Variants in RAD51B observed in about 807,000 individuals in gnomAD.
RAD51B encodes RAD51 paralog B.
In RAD51B, 38 loss-of-function variants were observed where a neutral mutation model predicts 42.2. The ratio of observed to expected loss-of-function variants is 0.90; its 90% CI spans 0.70 to 1.18. The LOEUF (loss-of-function observed/expected upper bound fraction) is 1.18, where lower values mean the gene tolerates loss of function less well. Ranked by LOEUF, RAD51B falls within the 50% of genes most tolerant of loss-of-function variation. The pLI is 0.00. For missense variants in RAD51B, 373 were observed against 400.7 expected (o/e 0.93, Z 0.59); for synonymous variants, 154 against 145.2 (o/e 1.06, Z -0.43).
Position 68,369,593 on chromosome 14 carries a change from T to C in RAD51B, c.854-41831T>C, listed in dbSNP as rs530623659. 2.6e-5 allele frequency among the ~76,000 whole-genome samples: 4 copies of C among 152,348 alleles called. No individual in the cohort carries two copies. The South Asian group carries it at 6.2e-4, about 24-fold the overall frequency. ...TTTGGGGCAACTCAGTCAGTGACATTTCTCTTTCACAAACTCCTCCTGTTC... is the reference window on the plus strand; with the variant it reads ...TTTGGGGCAACTCAGTCAGTGACATCTCTCTTTCACAAACTCCTCCTGTTC... On this transcript the variant is annotated intron_variant, in intron 8 of 10. Coordinates refer to ENST00000471583, the MANE Select transcript of RAD51B (RefSeq NM_133510.4).
chr14:68,667,310 A>G (rs1331963506), intron 11 of RAD51B, among the ~76,000 whole-genome samples: 1 of 152,232 alleles, frequency 6.6e-6, no homozygotes, highest in Non-Finnish European at 1.5e-5. Flanking sequence ...TGCAGTCTGG[A>G]GGCAGAATTC....
At chr14:68,141,964 T>C (rs1057092768) in intron 7 of RAD51B, among the ~76,000 whole-genome samples, 2 of 148,002 alleles carry the variant, frequency 1.4e-5, no homozygotes, top group Middle Eastern at 3.4e-3. Flanking sequence ...GGTCATTCCA[T>C]TCATATGTTG....
intron 10 of RAD51B, among the ~76,000 whole-genome samples, chr14:68,590,098 A>T (rs546760430): frequency 6.6e-6 from 1 of 152,260 alleles, no homozygotes; most frequent in South Asian, 2.1e-4. Context: ...CACACAGGTC[A>T]CCCTGAGCAG....
chr14:68,242,876 T>G (rs890390780), intron 7 of RAD51B, among the ~76,000 whole-genome samples: 1 of 152,184 alleles, frequency 6.6e-6, no homozygotes, highest in Admixed American at 6.5e-5. Flanking sequence ...TTATGGGATA[T>G]GATCTACTCC....
At chr14:68,596,297 A>AGG (rs1163537305), downstream of RAD51B, among the ~76,000 whole-genome samples, 1 of 152,080 alleles carries the variant, frequency 6.6e-6, no homozygotes, top group Non-Finnish European at 1.5e-5. Context: ...AGCATCTCCA[A>AGG]GGGGGTCCTA....
rs187955360 is a variant in RAD51B, at chr14:67,887,183, G to A, written c.735G>A (p.Leu245=). The A allele has an allele frequency of 1.2e-6, 2 of 1,608,564 alleles. No individual in the cohort carries two copies. The highest frequency in any genetic ancestry group is 4.5e-5 in the East Asian group (2 of 44,734). The change falls in exon 7 of 11, where the codon TTG becomes TTA. Residue 245 remains leucine, a synonymous_variant. Transcript: ENST00000471583. The part of the protein sequence containing the change: ...LAREASSLKY[L]AEEFSIPVIL... ...GAGAGGCATCCTCCTTGAAGTATTT[G>A]GCTGAGGAGTTTTCAATCCCAGTAA... is the stretch of plus-strand genomic sequence containing the variant.
At chr14:68,363,063 C>G (rs946237802) in intron 8 of RAD51B, among the ~76,000 whole-genome samples, 1 of 152,132 alleles carries the variant, frequency 6.6e-6, no homozygotes, top group Non-Finnish European at 1.5e-5. Context: ...GCACTGAACC[C>G]AGCTACTTTC....
chr14:68,495,671 G>A (rs1002459305), intron 10 of RAD51B, among the ~76,000 whole-genome samples: 2 of 152,160 alleles, frequency 1.3e-5, no homozygotes, highest in Non-Finnish European at 2.9e-5. Flanking sequence ...CCCCTAGATG[G>A]GAAACATTCA....
chr14:68,401,289 A>G (rs2140050615), intron 8 of RAD51B, among the ~76,000 whole-genome samples: 1 of 152,304 alleles, frequency 6.6e-6, no homozygotes, highest in East Asian at 1.9e-4. Context: ...TTTCATTTTC[A>G]AAAATGTCCT....
intron 10 of RAD51B, among the ~76,000 whole-genome samples, chr14:68,513,009 G>A (rs1233228021): frequency 3.9e-5 from 6 of 152,262 alleles, no homozygotes; most frequent in African/African-American, 1.4e-4. Flanking sequence ...TTGGGGAACA[G>A]TAAGGAAGCC....
chr14:68,003,760 C>T (rs1050940133), intron 7 of RAD51B, among the ~76,000 whole-genome samples: 1 of 152,178 alleles, frequency 6.6e-6, no homozygotes, highest in Non-Finnish European at 1.5e-5. Context: ...GCCTTTTCTG[C>T]ATCTGTTGAG....
chr14:68,283,799 T>G (rs988263409), intron 7 of RAD51B, among the ~76,000 whole-genome samples: 11 of 152,204 alleles, frequency 7.2e-5, no homozygotes, highest in African/African-American at 2.7e-4. Context: ...CGGCCCACAG[T>G]TTCCACTGCA....
chr14:67,840,715 T>C (rs2140308039), intron 4 of RAD51B, among the ~76,000 whole-genome samples: 1 of 152,324 alleles, frequency 6.6e-6, no homozygotes, highest in Non-Finnish European at 1.5e-5. Flanking sequence ...CAAACTCCTT[T>C]GCACAGTGAT....
intron 8 of RAD51B, among the ~76,000 whole-genome samples, chr14:68,410,922 T>C (rs1337770342): frequency 6.7e-6 from 1 of 149,276 alleles, no homozygotes; most frequent in Non-Finnish European, 1.5e-5. Flanking sequence ...TCTAGATTCC[T>C]TTTTTTGCGT....
intron 7 of RAD51B, among the ~76,000 whole-genome samples, chr14:68,061,658 C>T (rs1039579607): frequency 6.6e-6 from 1 of 151,836 alleles, no homozygotes; most frequent in African/African-American, 2.4e-5. Context: ...TTTATAGCTA[C>T]TGTAAATGGG....
downstream of RAD51B, among the ~76,000 whole-genome samples, chr14:68,479,287 A>G (rs1882971558): frequency 6.6e-6 from 1 of 152,154 alleles, no homozygotes; most frequent in Non-Finnish European, 1.5e-5. Flanking sequence ...ACATCAAGGG[A>G]CTATTTGAGA....
chr14:68,141,997 G>A (rs750113187), intron 7 of RAD51B, among the ~76,000 whole-genome samples: 1 of 152,092 alleles, frequency 6.6e-6, no homozygotes. Context: ...AATTTTGAGT[G>A]CTTTTATGTC....
chr14:68,280,860 CCTGGG>C (rs201371765), intron 7 of RAD51B, among the ~76,000 whole-genome samples: 1,547 of 152,174 alleles, frequency 0.01, 29 homozygotes, highest in East Asian at 0.057. Context: ...TTGAGACCAG[CCTGGG>C]CTGGGAACAT....
Position 68,425,666 on chromosome 14 carries a change from CA to C in RAD51B, c.957+14143del, listed in dbSNP as rs566883873. Among the ~76,000 whole-genome samples the C allele has an allele frequency of 4.3e-3, 660 of 152,234 alleles. 3 individuals are homozygous for C. The highest frequency in any genetic ancestry group is 0.015 in the African/African-American group (621 of 41,544). ...TCTGTGGTATTTGGTTATACCAGGACAAAATGGACTAAGACAGAAGATTGGT... is the reference window on the plus strand; with the variant it reads ...TCTGTGGTATTTGGTTATACCAGGACAAATGGACTAAGACAGAAGATTGGT... On this transcript the variant is annotated intron_variant, in intron 9 of 10. Transcript: ENST00000471583.
Sources: allele counts gnomAD v4.1 joint callset (sites outside exome capture counted in the v4.1 genomes callset), GRCh38; gene constraint gnomAD v4.1.1; transcripts MANE v1.5; gene names NCBI Gene and HGNC (gene_info 2026-07-23, HGNC 2026-07-21).